LINGO2: variants seen among roughly 807,000 people sequenced by gnomAD.
The protein encoded by LINGO2 is leucine-rich repeat and immunoglobulin-like domain-containing nogo receptor-interacting protein 2.
In LINGO2, 14 loss-of-function variants were observed where a neutral mutation model predicts 30.6. The ratio of observed to expected loss-of-function variants is 0.46; its 90% CI spans 0.30 to 0.72. The LOEUF (loss-of-function observed/expected upper bound fraction) is 0.72. Ranked by LOEUF, LINGO2 falls within the 30% of genes least tolerant of loss-of-function variation. LINGO2 has a pLI of 0.07. For missense variants in LINGO2, 729 were observed against 751.7 expected (o/e 0.97, Z 0.35); for synonymous variants, 317 against 288.5 (o/e 1.10, Z -1.00).
intron 4 of LINGO2, among the ~76,000 whole-genome samples, chr9:28,254,059 G>A (rs796695478): frequency 8.5e-5 from 13 of 152,142 alleles, no homozygotes; most frequent in African/African-American, 2.4e-4. Context: ...GTGTCTGTGA[G>A]CCTAATATTT....
chr9:28,054,955 T>C (rs1416382809), intron 4 of LINGO2, among the ~76,000 whole-genome samples: 3 of 152,134 alleles, frequency 2.0e-5, no homozygotes, highest in Admixed American at 6.6e-5. Flanking sequence ...TTCTTTCCTC[T>C]TAAATGTGAA....
At chr9:28,479,164 A>G (rs970556281) in intron 1 of LINGO2, among the ~76,000 whole-genome samples, 1 of 152,042 alleles carries the variant, frequency 6.6e-6, no homozygotes, top group Non-Finnish European at 1.5e-5. Flanking sequence ...ACAAAAATGA[A>G]CTATTAATAC....
the LINGO2 span, among the ~76,000 whole-genome samples, chr9:29,014,915 T>C: frequency 1.3e-5 from 2 of 152,190 alleles, no homozygotes; most frequent in African/African-American, 4.8e-5. Context: ...ACATACATTA[T>C]AATAAAGAAA....
chr9:27,949,372 C>T (rs768750698), exon 6 of LINGO2: 1 of 1,614,122 alleles, frequency 6.2e-7, no homozygotes, highest in Non-Finnish European at 8.5e-7. Context: ...TCTCCATCTG[C>T]ACTGCATTCT....
At chr9:28,102,365 C>A (rs1208521674) in intron 4 of LINGO2, among the ~76,000 whole-genome samples, 1 of 151,900 alleles carries the variant, frequency 6.6e-6, no homozygotes, top group Non-Finnish European at 1.5e-5. Flanking sequence ...AAAACACAAA[C>A]CAGAGAGGGG....
At chr9:29,002,753 A>G in the LINGO2 span, among the ~76,000 whole-genome samples, 2 of 151,976 alleles carry the variant, frequency 1.3e-5, no homozygotes, top group African/African-American at 4.8e-5. Context: ...CTCTAAAGCT[A>G]GCTGTGCTGC....
At chr9:28,375,522 G>A (rs1258447387) in intron 2 of LINGO2, among the ~76,000 whole-genome samples, 3 of 152,206 alleles carry the variant, frequency 2.0e-5, no homozygotes, top group Non-Finnish European at 4.4e-5. Context: ...TACTTTGGAC[G>A]GAGGTAGAAA....
intron 1 of LINGO2, among the ~76,000 whole-genome samples, chr9:28,508,021 T>G (rs1225594880): frequency 6.6e-6 from 1 of 152,098 alleles, no homozygotes; most frequent in Non-Finnish European, 1.5e-5. Flanking sequence ...CAATCTTTGA[T>G]GAGTGGGTAG....
At chr9:28,045,155 C>A (rs1208307176) in intron 4 of LINGO2, among the ~76,000 whole-genome samples, 2 of 151,906 alleles carry the variant, frequency 1.3e-5, no homozygotes, top group Non-Finnish European at 2.9e-5. Flanking sequence ...CGGTCCATTC[C>A]CACCACTACC....
At chr9:28,003,328 T>C (rs1277941720) in intron 5 of LINGO2, among the ~76,000 whole-genome samples, 1 of 136,254 alleles carries the variant, frequency 7.3e-6, no homozygotes, top group Non-Finnish European at 1.5e-5. Flanking sequence ...GTTAACCATA[T>C]AGATATATAG....
the LINGO2 span, among the ~76,000 whole-genome samples, chr9:28,995,248 T>A: frequency 1.7e-4 from 26 of 152,214 alleles, no homozygotes; most frequent in Admixed American, 6.5e-4. Context: ...ACATTTATGC[T>A]GCCAAAAAAC....
chr9:28,861,045 A>G, the LINGO2 span, among the ~76,000 whole-genome samples: 1 of 115,196 alleles, frequency 8.7e-6, no homozygotes, highest in Non-Finnish European at 1.7e-5. Flanking sequence ...TTATTAATAT[A>G]TAAATGTATA....
chr9:28,991,971 A>C, the LINGO2 span, among the ~76,000 whole-genome samples: 3 of 152,182 alleles, frequency 2.0e-5, no homozygotes, highest in Admixed American at 6.5e-5. Flanking sequence ...CGAGCAAAAT[A>C]ACCAGCTAAC....
chr9:28,674,242 C>T (rs1462305214), upstream of LINGO2, among the ~76,000 whole-genome samples: 1 of 146,772 alleles, frequency 6.8e-6, no homozygotes, highest in Non-Finnish European at 1.5e-5. Context: ...ATAACTGTGG[C>T]TCTGCTGACT....
chr9:28,853,564 C>T, the LINGO2 span, among the ~76,000 whole-genome samples: 2 of 151,980 alleles, frequency 1.3e-5, no homozygotes, highest in East Asian at 3.9e-4. Context: ...TAAGAAAATA[C>T]CCCAAACGGG....
chr9:28,213,901 G>A lies in LINGO2; in HGVS notation c.-87+81307C>T, dbSNP rs572848620. On this transcript the variant is annotated intron_variant, in intron 4 of 5. Transcript: ENST00000379992. ...CTTGCATTATTTGCAATTAAAGTAC[G>A]CAGTGTTCCCTAATTCAATCCTCAA... Among the ~76,000 whole-genome samples the A allele has an allele frequency of 4.0e-5, 6 of 151,474 alleles. No individual in the cohort carries two copies. The East Asian group carries it at 9.7e-4, about 24-fold the overall frequency.
the LINGO2 span, among the ~76,000 whole-genome samples, chr9:29,187,710 C>G: frequency 6.6e-6 from 1 of 151,356 alleles, no homozygotes; most frequent in East Asian, 2.0e-4. Context: ...TTAATCCTAT[C>G]TCATTTGCCT....
the LINGO2 span, among the ~76,000 whole-genome samples, chr9:28,865,803 A>G: frequency 6.6e-6 from 1 of 152,156 alleles, no homozygotes; most frequent in South Asian, 2.1e-4. Flanking sequence ...AACAAAACAA[A>G]GAAACAAAAA....
intron 1 of LINGO2, among the ~76,000 whole-genome samples, chr9:28,551,917 T>C (rs898903841): frequency 3.3e-5 from 5 of 152,084 alleles, no homozygotes; most frequent in Non-Finnish European, 7.4e-5. Context: ...TAAGCACTAT[T>C]TACAGGATAC....
Sources: gnomAD v4.1 joint callset for allele counts (sites outside exome capture counted in the v4.1 genomes callset) on GRCh38, gnomAD v4.1.1 for gene constraint, MANE v1.5 for transcripts, NCBI Gene and HGNC (gene_info 2026-07-23, HGNC 2026-07-21) for gene names.